TDRD15: variants seen among roughly 807,000 people sequenced by gnomAD.
TDRD15 encodes tudor domain containing 15.
For missense variants in TDRD15, 1,416 were observed against 904.7 expected, an observed-to-expected ratio of 1.57 and a Z score of -7.25; for synonymous variants, 503 against 314.5, an observed-to-expected ratio of 1.60 and a Z score of -6.34.
Position 21,127,996 on chromosome 2 carries a change from T to C in TDRD15, c.-90+285T>C, listed in dbSNP as rs1665633244. On this transcript the variant is annotated intron_variant, in intron 2 of 3. Coordinates refer to ENST00000405799, the MANE Select transcript of TDRD15 (RefSeq NM_001306137.2). ...AAACATCTTTCAGTATGTATTCTTA[T>C]ATTCATAAGGATAGATTACCAAGAG... 2.0e-5 allele frequency among the ~76,000 whole-genome samples: 3 copies of C among 152,212 alleles called. No individual in the cohort carries two copies. The South Asian group carries it at 6.2e-4, about 31-fold the overall frequency.
chr2:21,124,261 C>A (rs1048792060), intron 1 of TDRD15, among the ~76,000 whole-genome samples: 1 of 152,200 alleles, frequency 6.6e-6, no homozygotes, highest in Non-Finnish European at 1.5e-5. Context: ...CCGGGAGCAG[C>A]AGCCCTTCCT....
In TDRD15 at chr2:21,124,476, GGT is replaced by G. The variant is rs143329553; in HGVS notation, c.-201+450_-201+451del. On this transcript the variant is annotated intron_variant, in intron 1 of 3. Coordinates refer to ENST00000405799, the MANE Select transcript of TDRD15 (RefSeq NM_001306137.2). ...TGTGACAGAGTGATCCTAATGCCAGGGTGTGTGTGTGTGTGTGTGTGACAGAG... is the reference window on the plus strand; with the variant it reads ...TGTGACAGAGTGATCCTAATGCCAGGGTGTGTGTGTGTGTGTGTGACAGAG... Among the ~76,000 whole-genome samples, 487 of 134,404 alleles carry G rather than the reference GGT, an allele frequency of 3.6e-3. 4 individuals are homozygous for G. Among genetic ancestry groups the G allele is most frequent in the African/African-American group, 0.012 (409 of 33,710 alleles). The allele number at this position is 134,404 out of a possible 152,430, so 88.2% of individuals were successfully genotyped here.
Position 21,139,264 on chromosome 2 carries a change from A to C in TDRD15, c.1797A>C (p.Ala599=). The C allele has an allele frequency of 1.4e-6, 1 of 714,750 alleles. No homozygotes were observed. The highest frequency in any genetic ancestry group is 2.6e-6 in the Non-Finnish European group (1 of 383,920). 44.3% of individuals were successfully genotyped at this position (714,750 alleles called of 1,614,324 possible). ...CCTTAGCGATGTGCTGTTCACTTGC[A>C]CATATATTTCCTGTTGAAGATTTAT... ...LPALAMCCSL[A]HIFPVEDLWT... Residue 599 remains alanine, a synonymous_variant, in exon 4 of 4, where the codon GCA becomes GCC. Coordinates refer to ENST00000405799, the MANE Select transcript of TDRD15 (RefSeq NM_001306137.2).
rs1312017465 is a variant in TDRD15, at chr2:21,142,568, C to G, written c.5101C>G (p.Leu1701Val). ...TACAGTTCCTGTTGAAGAAAACAAA[C>G]TTAGACTTGCAGAAATTGTTTACAA... The part of the protein sequence containing the change: ...LNTVPVEENK[L>V]RLAEIVYNIE... Residue 1701 changes from leucine to valine, a missense_variant, in exon 4 of 4, where the codon CTT becomes GTT. Leu to Val is a conservative substitution (Grantham distance 32). Transcript: ENST00000405799. 1 of 709,142 alleles carries G rather than the reference C, an allele frequency of 1.4e-6. No individual in the cohort carries two copies. The highest frequency in any genetic ancestry group is 2.7e-5 in the East Asian group (1 of 37,158). The allele number at this position is 709,142 out of a possible 1,614,324, so 43.9% of individuals were successfully genotyped here.
At chr2:21,132,595 G>A (rs1352472620) in intron 2 of TDRD15, among the ~76,000 whole-genome samples, 2 of 151,974 alleles carry the variant, frequency 1.3e-5, no homozygotes, top group Admixed American at 1.3e-4. Context: ...GAAGATATTT[G>A]GCTTGAGAAA....
At chr2:21,126,042 C>T (rs897707788) in intron 1 of TDRD15, among the ~76,000 whole-genome samples, 1 of 151,986 alleles carries the variant, frequency 6.6e-6, no homozygotes, top group Admixed American at 6.6e-5. Flanking sequence ...GTGTGTCTTA[C>T]AGCTTTAGTG....
chr2:21,138,987 A>G lies in TDRD15; in HGVS notation c.1520A>G (p.Glu507Gly), dbSNP rs1665866986. The change falls in exon 4 of 4, where the codon GAA (glutamate) becomes GGA (glycine). Residue 507 changes from glutamate (E) to glycine (G), a missense_variant. Physicochemically the swap from Glu to Gly is moderately conservative, Grantham distance 98 (BLOSUM62 -2). Coordinates refer to ENST00000405799, the MANE Select transcript of TDRD15 (RefSeq NM_001306137.2). ...FWVRTNDHRN[E>G]FQEIMKNINK... is the part of the protein sequence containing the mutation. The stretch of plus-strand genomic sequence containing the variant: ...GTACGCACTAATGACCATCGGAATG[A>G]ATTTCAAGAAATAATGAAAAACATA... 1 of 712,350 alleles carries G rather than the reference A, an allele frequency of 1.4e-6. No individual in the cohort carries two copies. Among genetic ancestry groups the G allele is most frequent in the African/African-American group, 1.8e-5 (1 of 56,740 alleles). 44.1% of individuals were successfully genotyped at this position (712,350 alleles called of 1,614,324 possible).
rs1445445389 is a variant in TDRD15 at position 21,141,882 on chromosome 2, G to T, written c.4415G>T (p.Cys1472Phe). ...VINELLKWKA[C>F]SKLQKSALQM... is the part of the protein sequence containing the mutation. The stretch of plus-strand genomic sequence containing the variant: ...AATGAACTACTGAAATGGAAAGCAT[G>T]TTCAAAACTGCAGAAGTCAGCATTG... Residue 1472 changes from cysteine to phenylalanine, a missense_variant, in exon 4 of 4, where the codon TGT becomes TTT. By Grantham distance (205) the Cys-to-Phe change is radical (BLOSUM62 -2). Coordinates refer to ENST00000405799, the MANE Select transcript of TDRD15 (RefSeq NM_001306137.2). 2.8e-6 allele frequency: 2 copies of T among 715,284 alleles called. No homozygotes were observed. The highest frequency in any genetic ancestry group is 5.2e-6 in the Non-Finnish European group (2 of 383,650). 44.3% of individuals were successfully genotyped at this position (715,284 alleles called of 1,614,324 possible). A position where few individuals can be genotyped will look rare whatever the true frequency, so the allele number is the denominator to read the frequency against.
Position 21,138,747 on chromosome 2 carries a change from A to T in TDRD15, c.1280A>T (p.Asp427Val). The T allele has an allele frequency of 1.4e-6, 1 of 715,966 alleles. No homozygotes were observed. The highest frequency in any genetic ancestry group is 2.3e-4 in the Middle Eastern group (1 of 4,354). The allele number at this position is 715,966 out of a possible 1,614,324, so 44.4% of individuals were successfully genotyped here. A position where few individuals can be genotyped will look rare whatever the true frequency, so the allele number is the denominator to read the frequency against. Residue 427 changes from aspartate (D) to valine (V), a missense_variant, in exon 4 of 4, where the codon GAT (aspartate) becomes GTT (valine). Coordinates refer to ENST00000405799, the MANE Select transcript of TDRD15 (RefSeq NM_001306137.2). ...VGTQVLCPMS[D>V]SKISNILSET... is the part of the protein sequence containing the mutation. ...ACACAAGTACTTTGTCCGATGTCTGATTCAAAAATCTCCAATATCTTGAGT... is the reference window on the plus strand; with the variant it reads ...ACACAAGTACTTTGTCCGATGTCTGTTTCAAAAATCTCCAATATCTTGAGT...
intron 2 of TDRD15, 99 bp from the exon 3 acceptor site, chr2:21,134,663 A>G (rs1034992613): frequency 6.6e-6 from 1 of 151,932 alleles, no homozygotes; most frequent in Non-Finnish European, 1.5e-5. Flanking sequence ...AGGTATTTTG[A>G]TTTTTGCAAA....
intron 1 of TDRD15, among the ~76,000 whole-genome samples, chr2:21,127,378 T>C (rs765645857): frequency 9.8e-5 from 15 of 152,330 alleles, no homozygotes; most frequent in Non-Finnish European, 1.9e-4. Flanking sequence ...ATTTAAGATG[T>C]CTTTGCCACG....
intron 2 of TDRD15, among the ~76,000 whole-genome samples, chr2:21,128,138 A>G: frequency 6.6e-6 from 1 of 152,136 alleles, no homozygotes; most frequent in East Asian, 1.9e-4. Context: ...TTCATTCTCC[A>G]CGTATTTGTT....
rs1444514222 is a variant in TDRD15, at chr2:21,141,159, A to C, written c.3692A>C (p.Asp1231Ala). ...AACAAAATGAAGACTTCTTTGAATG[A>C]TGGGCTTAAAGGTATAAAAATTGTC... ...SKNKMKTSLNDGLKGIKIVPG... is the reference protein window; with the variant it reads ...SKNKMKTSLNAGLKGIKIVPG... The change falls in exon 4 of 4, where the codon GAT becomes GCT. Residue 1231 changes from aspartate (D) to alanine (A), a missense_variant. Coordinates refer to ENST00000405799, the MANE Select transcript of TDRD15 (RefSeq NM_001306137.2). 1.4e-6 allele frequency: 1 copy of C among 714,312 alleles called. No homozygotes were observed. The highest frequency in any genetic ancestry group is 2.6e-6 in the Non-Finnish European group (1 of 383,602). 44.2% of individuals were successfully genotyped at this position (714,312 alleles called of 1,614,324 possible). A position where few individuals can be genotyped will look rare whatever the true frequency, so the allele number is the denominator to read the frequency against.
rs1665861177 is a variant in TDRD15 at position 21,138,691 on chromosome 2, T to C, written c.1224T>C (p.Val408=). Residue 408 remains valine (V), a synonymous_variant, in exon 4 of 4, where the codon GTT becomes GTC. Coordinates refer to ENST00000405799, the MANE Select transcript of TDRD15 (RefSeq NM_001306137.2). ...CATTACAAACTCAAGAGTCTACAGT[T>C]AATTCTAAGTGTCTACTGAAGACTG... ...YVTLQTQEST[V]NSKCLLKTVG... The C allele has an allele frequency of 1.4e-6, 1 of 715,682 alleles. No individual in the cohort carries two copies. 44.3% of individuals were successfully genotyped at this position (715,682 alleles called of 1,614,324 possible). A position where few individuals can be genotyped will look rare whatever the true frequency, so the allele number is the denominator to read the frequency against.
At chr2:21,132,026 G>T (rs1363341224) in intron 2 of TDRD15, among the ~76,000 whole-genome samples, 1 of 152,138 alleles carries the variant, frequency 6.6e-6, no homozygotes, top group Non-Finnish European at 1.5e-5. Context: ...GTCAGGGAAT[G>T]CGTCACCTAG....
chr2:21,126,319 A>G (rs976750272), intron 1 of TDRD15, among the ~76,000 whole-genome samples: 1 of 151,984 alleles, frequency 6.6e-6, no homozygotes, highest in African/African-American at 2.4e-5. Flanking sequence ...GTTTCAGCAT[A>G]ATTACTTTGA....
chr2:21,137,668 G>C lies in TDRD15; in HGVS notation c.201G>C (p.Leu67Phe). ...ATGTGGAAATTGATGAATTTTGTTTGGTGGAAGAAAGAGTATCTGGAGAAT... is the reference window on the plus strand; with the variant it reads ...ATGTGGAAATTGATGAATTTTGTTTCGTGGAAGAAAGAGTATCTGGAGAAT... ...KNNVEIDEFC[L>F]VEERVSGEWQ... is the part of the protein sequence containing the mutation. The change falls in exon 4 of 4, where the codon TTG (leucine) becomes TTC (phenylalanine). Residue 67 changes from leucine to phenylalanine, a missense_variant. Leu to Phe is a conservative substitution (Grantham distance 22). Transcript: ENST00000405799. 1.4e-6 allele frequency: 1 copy of C among 713,956 alleles called. No individual in the cohort carries two copies. 44.2% of individuals were successfully genotyped at this position (713,956 alleles called of 1,614,324 possible).
rs1404791321 is a variant in TDRD15, at chr2:21,142,422, C to A, written c.4955C>A (p.Ser1652Ter). The change falls in exon 4 of 4, where the codon TCA becomes TAA. Residue 1652 changes from serine (S) to a stop codon, truncating the protein, a stop_gained. Transcript: ENST00000405799. LOFTEE classifies it low-confidence loss of function (END_TRUNC). The part of the protein sequence containing the change: ...WIWFENSKNI[S>*]FECLFADLEI... ...TGGTTTGAAAATTCTAAGAACATAT[C>A]ATTTGAGTGCTTATTTGCTGATTTG... 7.0e-6 allele frequency: 5 copies of A among 709,906 alleles called. No individual in the cohort carries two copies. Among genetic ancestry groups the A allele is most frequent in the Admixed American group, 6.1e-5 (3 of 48,896 alleles). 44.0% of individuals were successfully genotyped at this position (709,906 alleles called of 1,614,324 possible).
At position 21,144,017 on chromosome 2, in the gene TDRD15, TTAG is replaced by T. The variant is rs575785310; in HGVS notation, c.*747_*749del. 1.9e-3 allele frequency among the ~76,000 whole-genome samples: 291 copies of T among 151,736 alleles called. 1 individual carries two copies. Among genetic ancestry groups the T allele is most frequent in the African/African-American group, 6.8e-3 (283 of 41,478 alleles). On this transcript the variant is annotated 3_prime_UTR_variant, in exon 4 of 4. Transcript: ENST00000405799. ...CTCATGTTAATAAATCTTGCTATTATTAGTGAGCTTCCTGCGCTTATTTTGAAG... is the reference window on the plus strand; with the variant it reads ...CTCATGTTAATAAATCTTGCTATTATTGAGCTTCCTGCGCTTATTTTGAAG...
Sources: gnomAD v4.1 joint callset for allele counts (sites outside exome capture counted in the v4.1 genomes callset) on GRCh38, gnomAD v4.1.1 for gene constraint, MANE v1.5 for transcripts, NCBI Gene and HGNC (gene_info 2026-07-23, HGNC 2026-07-21) for gene names.